NR5A2: variants seen among roughly 807,000 people sequenced by gnomAD.
The protein encoded by NR5A2 is nuclear receptor subfamily 5 group A member 2, also known as CYP7A promoter-binding factor.
Under a neutral mutation model 62.7 loss-of-function variants are expected in NR5A2, and 26 were observed. That is an observed-to-expected ratio of 0.41 (90% CI 0.30 to 0.58). The LOEUF (loss-of-function observed/expected upper bound fraction) is 0.58. NR5A2 is among the 20% of genes least tolerant of loss of function. The pLI, the probability that NR5A2 is intolerant of heterozygous loss-of-function variation, is 0.22. For missense variants in NR5A2, 541 were observed against 669.1 expected (o/e 0.81, Z 2.11); for synonymous variants, 246 against 241.7 (o/e 1.02, Z -0.16).
chr1:200,118,988 C>CT (rs992914476), intron 6 of NR5A2, among the ~76,000 whole-genome samples: 1 of 152,190 alleles, frequency 6.6e-6, no homozygotes, highest in African/African-American at 2.4e-5. Context: ...CAGCACCTGG[C>CT]TAAAGCAGGT....
chr1:200,118,615 C>T (rs1302060218), intron 6 of NR5A2, among the ~76,000 whole-genome samples: 2 of 152,214 alleles, frequency 1.3e-5, no homozygotes, highest in African/African-American at 4.8e-5. Context: ...ACCATCAGGC[C>T]TTCCTGCTCT....
rs139624279 is a variant in NR5A2 at position 200,048,592 on chromosome 1, C to T, written c.884C>T (p.Thr295Met). Residue 295 changes from threonine (T) to methionine (M), a missense_variant, in exon 5 of 8, where the codon ACG becomes ATG. Physicochemically the swap from Thr to Met is moderately conservative, Grantham distance 81. Coordinates refer to ENST00000367362, the MANE Select transcript of NR5A2 (RefSeq NM_205860.3). This position sits in a 1 kb window ranked among gnomAD's most constrained non-coding sequence, Gnocchi z 4.8. The part of the protein sequence containing the change: ...MGYSYMDSYQ[T>M]SSPASIPHLI... The stretch of plus-strand genomic sequence containing the variant: ...TATTCATATATGGATAGTTACCAGA[C>T]GAGCTCTCCAGCAAGCATCCCACAT... 269 of 1,614,178 alleles carry T rather than the reference C, an allele frequency of 1.7e-4. No individual in the cohort carries two copies. The African/African-American group carries it at 3.1e-3, about 19-fold the overall frequency.
intron 6 of NR5A2, among the ~76,000 whole-genome samples, chr1:200,115,811 A>G (rs937926119): frequency 9.9e-5 from 15 of 152,050 alleles, no homozygotes; most frequent in Admixed American, 4.6e-4. Flanking sequence ...TTCAGCTTCT[A>G]TAAGGAAGTG....
chr1:200,043,414 G>T (rs887329313), intron 2 of NR5A2, among the ~76,000 whole-genome samples: 3 of 152,190 alleles, frequency 2.0e-5, no homozygotes, highest in African/African-American at 7.2e-5. Flanking sequence ...TGACATTTTG[G>T]AATTTAACTT....
chr1:200,135,059 T>G (rs1340289990), intron 7 of NR5A2, among the ~76,000 whole-genome samples: 1 of 152,186 alleles, frequency 6.6e-6, no homozygotes, highest in Non-Finnish European at 1.5e-5. Context: ...ACATTGAAAG[T>G]TTAGTGATTT....
chr1:200,057,248 C>T (rs1662957260), intron 5 of NR5A2, among the ~76,000 whole-genome samples: 1 of 152,124 alleles, frequency 6.6e-6, no homozygotes, highest in South Asian at 2.1e-4. Context: ...AGTAACTTTT[C>T]TTGGGTACCC....
At chr1:200,074,281 CTG>C (rs1238278806) in intron 5 of NR5A2, among the ~76,000 whole-genome samples, 2 of 151,318 alleles carry the variant, frequency 1.3e-5, no homozygotes, top group Admixed American at 6.6e-5. Flanking sequence ...GATTGTAAGA[CTG>C]TAGTTAAAAG....
intron 5 of NR5A2, among the ~76,000 whole-genome samples, chr1:200,091,768 C>T (rs1298467758): frequency 6.6e-6 from 1 of 152,202 alleles, no homozygotes; most frequent in South Asian, 2.1e-4. Flanking sequence ...CAGGCGTGAG[C>T]CACTGCACCT....
chr1:200,039,844 C>G lies in NR5A2; in HGVS notation c.202+49C>G, dbSNP rs1661980215. 2 of 1,561,998 alleles carry G rather than the reference C, an allele frequency of 1.3e-6. No individual in the cohort carries two copies. The highest frequency in any genetic ancestry group is 1.9e-5 in the Admixed American group (1 of 51,772). ...CCGGCTCCCGCTGCTTCCCCACCCC[C>G]GGGCTCGCCCTGCAGGCTTCAGCCT... is the stretch of plus-strand genomic sequence containing the variant. On this transcript the variant is annotated intron_variant, in intron 2 of 7. Coordinates refer to ENST00000367362, the MANE Select transcript of NR5A2 (RefSeq NM_205860.3). The surrounding 1 kb of genome is among the most constrained non-coding windows in gnomAD (Gnocchi z 5.1).
intron 7 of NR5A2, among the ~76,000 whole-genome samples, chr1:200,160,192 C>A (rs1653580641): frequency 6.6e-6 from 1 of 152,208 alleles, no homozygotes; most frequent in African/African-American, 2.4e-5. Flanking sequence ...CATGGAGTAT[C>A]ATGAATAGTT....
chr1:200,111,175 G>GTTTGT, intron 5 of NR5A2, 27 bp from the exon 6 acceptor site: 1 of 1,584,152 alleles, frequency 6.3e-7, no homozygotes, highest in Non-Finnish European at 8.5e-7. Flanking sequence ...TGTTTTTTTT[G>GTTTGT]TTTGTTTGTT....
chr1:200,126,108 C>G (rs1379831190), intron 7 of NR5A2, among the ~76,000 whole-genome samples: 2 of 152,108 alleles, frequency 1.3e-5, no homozygotes, highest in Non-Finnish European at 2.9e-5. Context: ...TTGGCCTCTC[C>G]AAGTGCTGGG....
chr1:200,130,786 C>A (rs958268424), intron 7 of NR5A2, among the ~76,000 whole-genome samples: 1 of 152,186 alleles, frequency 6.6e-6, no homozygotes, highest in Admixed American at 6.5e-5. Flanking sequence ...CTCACCCACA[C>A]ACACACTGCC....
At chr1:200,166,092 C>G (rs1571583332) in intron 7 of NR5A2, among the ~76,000 whole-genome samples, 1 of 152,182 alleles carries the variant, frequency 6.6e-6, no homozygotes, top group Admixed American at 6.5e-5. Context: ...GCTTATTTCA[C>G]TTAGCATAAT....
intron 1 of NR5A2, 92 bp downstream of exon 1, chr1:200,028,003 T>C (rs1661407553): frequency 6.2e-6 from 5 of 808,972 alleles, no homozygotes; most frequent in African/African-American, 1.8e-5. Context: ...TTTTAAGTCA[T>C]GGCTTTTCCT....
At chr1:200,080,253 C>T (rs1357248214) in intron 5 of NR5A2, among the ~76,000 whole-genome samples, 3 of 152,102 alleles carry the variant, frequency 2.0e-5, no homozygotes, top group Non-Finnish European at 4.4e-5. Context: ...TTAATGGAAC[C>T]AGTCACCCGA....
intron 6 of NR5A2, among the ~76,000 whole-genome samples, chr1:200,120,415 T>C (rs1291414128): frequency 6.6e-6 from 1 of 152,258 alleles, no homozygotes; most frequent in Non-Finnish European, 1.5e-5. Context: ...AAAAGGCATA[T>C]ATACTTGAAA....
chr1:200,114,704 TG>T (rs1414590177), intron 6 of NR5A2, among the ~76,000 whole-genome samples: 1 of 152,208 alleles, frequency 6.6e-6, no homozygotes. Flanking sequence ...GTGACATTTA[TG>T]GAGTCAACAA....
chr1:200,107,686 C>T (rs1252806557), intron 5 of NR5A2, among the ~76,000 whole-genome samples: 1 of 152,158 alleles, frequency 6.6e-6, no homozygotes, highest in Non-Finnish European at 1.5e-5. Context: ...GTCACCCAGG[C>T]TGAAGTGCAG....
Sources: allele counts gnomAD v4.1 joint callset (sites outside exome capture counted in the v4.1 genomes callset), GRCh38; gene constraint gnomAD v4.1.1; non-coding constraint Gnocchi (gnomAD v3.1); transcripts MANE v1.5; gene names NCBI Gene and HGNC (gene_info 2026-07-23, HGNC 2026-07-21).